The following SASH1 variants were observed in gnomAD, a reference collection of about 807,000 sequenced individuals.
The protein encoded by SASH1 is SAM and SH3 domain-containing protein 1.
A neutral mutation model predicts 125.2 loss-of-function variants in SASH1; 44 were observed. The observed-to-expected ratio is 0.35, with a 90% CI of 0.28 to 0.45. The LOEUF is 0.45. Ranked by LOEUF, SASH1 falls within the 20% of genes least tolerant of loss-of-function variation. SASH1 has a pLI of 1.00. For missense variants in SASH1, 1,426 were observed against 1,614.5 expected (o/e 0.88, Z 2.00); for synonymous variants, 639 against 649.1 (o/e 0.98, Z 0.24).
intron 18 of SASH1, among the ~76,000 whole-genome samples, chr6:148,545,505 T>C (rs1782500744): frequency 6.6e-6 from 1 of 152,210 alleles, no homozygotes; most frequent in African/African-American, 2.4e-5. Flanking sequence ...TTGTAGCAGA[T>C]AAAGTGCAAA....
chr6:148,247,592 G>A, the SASH1 span, among the ~76,000 whole-genome samples: 1 of 152,184 alleles, frequency 6.6e-6, no homozygotes, highest in Non-Finnish European at 1.5e-5. Context: ...TTGATACTCA[G>A]CTGGAATGCA....
chr6:148,312,774 A>G (rs1241940141), intron 1 of SASH1, among the ~76,000 whole-genome samples: 1 of 152,298 alleles, frequency 6.6e-6, no homozygotes, highest in East Asian at 1.9e-4. Flanking sequence ...CTTTATATTC[A>G]TTATATAAGT....
the SASH1 span, among the ~76,000 whole-genome samples, chr6:148,262,740 A>G: frequency 6.6e-6 from 1 of 152,186 alleles, no homozygotes; most frequent in Non-Finnish European, 1.5e-5. Flanking sequence ...AAAATCAGCC[A>G]GGCATGGTGG....
chr6:148,471,350 T>G, intron 5 of SASH1, 67 bp from the exon 6 acceptor site: 3 of 995,202 alleles, frequency 3.0e-6, no homozygotes, highest in Non-Finnish European at 4.4e-6. Context: ...GCTACTTTTG[T>G]TATTAATGAT....
rs758988793 is a variant in SASH1 at position 148,543,692 on chromosome 6, A to G, written c.2222A>G (p.Lys741Arg). The change falls in exon 18 of 20, where the codon AAA becomes AGA. Residue 741 changes from lysine (K) to arginine (R), a missense_variant. Lys to Arg is a conservative substitution (Grantham distance 26). Transcript: ENST00000367467. Reference protein sequence around the residue: ...SENLENGKTRKASLLSAKSST... With the variant: ...SENLENGKTRRASLLSAKSST... ...CCTTGTCTCACAGGCAAGACTCGGA[A>G]AGCTAGCCTCCTATCTGCCAAGTCA... 2.0e-6 allele frequency: 3 copies of G among 1,534,396 alleles called. No individual in the cohort carries two copies. The highest frequency in any genetic ancestry group is 4.3e-5 in the Admixed American group (2 of 46,974).
intron 8 of SASH1, chr6:148,514,070 C>T (rs1160514847): frequency 9.9e-6 from 12 of 1,206,310 alleles, no homozygotes; most frequent in South Asian, 2.3e-5. Context: ...GATGCCCCCA[C>T]AGGCCACTTG....
chr6:148,349,248 CTTTCTTTTT>C (rs1226217972), intron 1 of SASH1, among the ~76,000 whole-genome samples: 15 of 66,248 alleles, frequency 2.3e-4, no homozygotes, highest in East Asian at 4.7e-4. Flanking sequence ...TTTCTTCTTT[CTTTCTTTTT>C]TTTTTTTTTT....
chr6:148,453,086 A>G (rs550573513), intron 4 of SASH1, among the ~76,000 whole-genome samples: 3 of 152,224 alleles, frequency 2.0e-5, no homozygotes, highest in African/African-American at 7.2e-5. Flanking sequence ...GCTGTTCCCA[A>G]CTGGAAACTC....
the SASH1 span, among the ~76,000 whole-genome samples, chr6:148,204,770 TA>T: frequency 5.0e-4 from 72 of 144,530 alleles, no homozygotes; most frequent in African/African-American, 4.5e-4. Context: ...GACCATTTAG[TA>T]AAAAAAAAAA....
chr6:148,255,946 C>A, the SASH1 span, among the ~76,000 whole-genome samples: 2 of 152,120 alleles, frequency 1.3e-5, no homozygotes, highest in South Asian at 4.1e-4. Flanking sequence ...TTGGCCAAAG[C>A]TTTTCAAGTA....
chr6:148,272,848 T>G (rs1266527054), intron 1 of SASH1, among the ~76,000 whole-genome samples: 1 of 152,192 alleles, frequency 6.6e-6, no homozygotes, highest in Non-Finnish European at 1.5e-5. Context: ...GTATCTCATA[T>G]TTTACTGAAG....
chr6:148,544,230 C>T lies in SASH1; in HGVS notation c.2760C>T (p.Arg920=), dbSNP rs200198088. Residue 920 remains arginine, a synonymous_variant, in exon 18 of 20, where the codon CGC becomes CGT. Coordinates refer to ENST00000367467, the MANE Select transcript of SASH1 (RefSeq NM_015278.5). The surrounding 1 kb of genome is among the most constrained non-coding windows in gnomAD (Gnocchi z 6.4). ...AGGGCTCAATCGCAGCCTCTGGTCG[C>T]GGCCTGTCACCCCCTCAGTGTTTGC... ...KLEGSIAASG[R]GLSPPQCLPR... 44 of 1,614,138 alleles carry T rather than the reference C, an allele frequency of 2.7e-5. No homozygotes were observed. The highest frequency in any genetic ancestry group is 3.3e-4 in the Middle Eastern group (2 of 6,062).
intron 11 of SASH1, among the ~76,000 whole-genome samples, chr6:148,527,027 C>T (rs1029526151): frequency 6.6e-6 from 1 of 152,104 alleles, no homozygotes; most frequent in Non-Finnish European, 1.5e-5. Flanking sequence ...CGCCCACCAC[C>T]ACGCCCAGCT....
the SASH1 span, among the ~76,000 whole-genome samples, chr6:148,218,580 C>T: frequency 6.6e-5 from 10 of 152,142 alleles, no homozygotes; most frequent in Non-Finnish European, 1.5e-4. Context: ...GGTCCCTGGC[C>T]TTTGTCCTCA....
intron 2 of SASH1, among the ~76,000 whole-genome samples, chr6:148,437,847 A>G (rs141828633): frequency 6.6e-6 from 1 of 152,378 alleles, no homozygotes; most frequent in East Asian, 1.9e-4. Flanking sequence ...ATGGTTGTTA[A>G]TAAGCAACTA....
intron 8 of SASH1, among the ~76,000 whole-genome samples, chr6:148,505,347 T>A (rs553190165): frequency 2.0e-5 from 3 of 152,376 alleles, no homozygotes; most frequent in Admixed American, 6.5e-5. Flanking sequence ...GGAGTCTTGC[T>A]CTGTCACCCA....
chr6:148,388,114 C>T (rs979825071), intron 1 of SASH1, among the ~76,000 whole-genome samples: 1 of 151,882 alleles, frequency 6.6e-6, no homozygotes, highest in Non-Finnish European at 1.5e-5. Flanking sequence ...GGGGTTTCTC[C>T]ATGTTGGTGA....
intron 1 of SASH1, among the ~76,000 whole-genome samples, chr6:148,309,702 T>C (rs1410401762): frequency 2.0e-5 from 3 of 151,854 alleles, no homozygotes; most frequent in African/African-American, 4.8e-5. Flanking sequence ...CCTCTCTCCT[T>C]GTATTAAAAG....
chr6:148,525,353 T>A lies in SASH1; in HGVS notation c.1272T>A (p.Asn424Lys). 1 of 1,613,748 alleles carries A rather than the reference T, an allele frequency of 6.2e-7. No homozygotes were observed. The highest frequency in any genetic ancestry group is 8.5e-7 in the Non-Finnish European group (1 of 1,179,698). The change falls in exon 11 of 20, where the codon AAT (asparagine) becomes AAA (lysine). Residue 424 changes from asparagine to lysine, a missense_variant. Physicochemically the swap from Asn to Lys is moderately conservative, Grantham distance 94. This residue lies in a region of SASH1 where 567 missense variants were observed against 575.6 expected (regional missense o/e 0.99). Transcript: ENST00000367467. ...GCTCTCTGCACGTTGGCAGTAATAA[T>A]TCTGACCCAATGGTGAGTAACATCA... ...TNRSLHVGSN[N>K]SDPMGKEGDF...
Sources: allele counts gnomAD v4.1 joint callset (sites outside exome capture counted in the v4.1 genomes callset), GRCh38; gene constraint gnomAD v4.1.1; regional missense constraint gnomAD v4.1.1; non-coding constraint Gnocchi (gnomAD v3.1); transcripts MANE v1.5; gene names NCBI Gene and HGNC (gene_info 2026-07-23, HGNC 2026-07-21).